The following NOL4 variants were observed in gnomAD, a reference collection of about 807,000 sequenced individuals.
NOL4 encodes the protein nucleolar protein 4, also known as cancer/testis antigen 125.
In NOL4, 17 loss-of-function variants were observed where a neutral mutation model predicts 75.9. The ratio of observed to expected loss-of-function variants is 0.22; its 90% CI spans 0.15 to 0.34. The LOEUF (loss-of-function observed/expected upper bound fraction) is 0.34, where lower values mean the gene tolerates loss of function less well. Among genes scored for constraint, NOL4 ranks in the 10% least tolerant of loss-of-function variants. NOL4 has a pLI of 1.00. For synonymous variants in NOL4, 292 were observed against 289.9 expected, an observed-to-expected ratio of 1.01 and a Z score of -0.07; for missense variants, 614 against 793.5, an observed-to-expected ratio of 0.77 and a Z score of 2.72.
chr18:34,214,453 A>T (rs2146588186), intron 1 of NOL4, among the ~76,000 whole-genome samples: 1 of 152,276 alleles, frequency 6.6e-6, no homozygotes, highest in East Asian at 1.9e-4. Flanking sequence ...AGGGCCTTAG[A>T]ATCCAAATGG....
At chr18:33,929,610 T>C (rs1404100896) in intron 9 of NOL4, among the ~76,000 whole-genome samples, 1 of 152,184 alleles carries the variant, frequency 6.6e-6, no homozygotes, top group Non-Finnish European at 1.5e-5. Flanking sequence ...AATATGATAC[T>C]ATAAAGTGCT....
At chr18:33,875,514 A>AT (rs958651670) in intron 10 of NOL4, among the ~76,000 whole-genome samples, 2 of 151,914 alleles carry the variant, frequency 1.3e-5, no homozygotes, top group Non-Finnish European at 2.9e-5. Flanking sequence ...ATCGGGCAAG[A>AT]TTTTCTATTG....
chr18:33,862,963 C>G (rs1248144706), intron 10 of NOL4, among the ~76,000 whole-genome samples: 1 of 152,174 alleles, frequency 6.6e-6, no homozygotes. Flanking sequence ...TATAAAGACA[C>G]ATGCACACGT....
Position 33,852,723 on chromosome 18 carries a change from T to C in NOL4, c.*119A>G, listed in dbSNP as rs2062675383. ...ACGGATCAAGGACAATGTGGCATAA[T>C]GGAAGTATTTCTCTTAAAAGACTGT... is the stretch of plus-strand genomic sequence containing the variant. On this transcript the variant is annotated 3_prime_UTR_variant, in exon 11 of 11. Transcript: ENST00000261592. 4.7e-6 allele frequency: 4 copies of C among 849,848 alleles called. No individual in the cohort carries two copies. The highest frequency in any genetic ancestry group is 1.7e-5 in the South Asian group (1 of 57,796). The allele number at this position is 849,848 out of a possible 1,614,324, so 52.6% of individuals were successfully genotyped here. A position where few individuals can be genotyped will look rare whatever the true frequency, so the allele number is the denominator to read the frequency against.
At chr18:33,996,522 C>T (rs909988397) in intron 6 of NOL4, among the ~76,000 whole-genome samples, 1 of 151,696 alleles carries the variant, frequency 6.6e-6, no homozygotes, top group African/African-American at 2.4e-5. Context: ...GAATCCATCA[C>T]CAAGGTAGTG....
intron 10 of NOL4, among the ~76,000 whole-genome samples, chr18:33,856,863 T>C (rs1288417713): frequency 6.6e-6 from 1 of 152,064 alleles, no homozygotes; most frequent in Non-Finnish European, 1.5e-5. Context: ...TAAATAAAGG[T>C]CTACTACTGA....
At chr18:34,084,613 C>A (rs2078163853) in intron 5 of NOL4, among the ~76,000 whole-genome samples, 1 of 151,942 alleles carries the variant, frequency 6.6e-6, no homozygotes, top group Non-Finnish European at 1.5e-5. Context: ...TGTTTTTTGT[C>A]CCCAAAGCAC....
chr18:34,214,470 G>T (rs1343066918), intron 1 of NOL4, among the ~76,000 whole-genome samples: 1 of 152,092 alleles, frequency 6.6e-6, no homozygotes, highest in East Asian at 1.9e-4. Flanking sequence ...ATGGTTTCTT[G>T]TCCCAAGCTG....
chr18:34,203,382 C>G (rs539172710), intron 1 of NOL4, among the ~76,000 whole-genome samples: 3 of 151,960 alleles, frequency 2.0e-5, no homozygotes, highest in African/African-American at 7.2e-5. Context: ...GGTGGATACA[C>G]AAACCCATAA....
At chr18:33,856,844 C>G (rs1298637289) in intron 10 of NOL4, among the ~76,000 whole-genome samples, 1 of 151,918 alleles carries the variant, frequency 6.6e-6, no homozygotes, top group South Asian at 2.1e-4. Flanking sequence ...ACAATTGAGT[C>G]TTTGTTTTTA....
intron 6 of NOL4, among the ~76,000 whole-genome samples, chr18:33,972,802 T>C (rs1017715445): frequency 2.6e-5 from 4 of 152,220 alleles, no homozygotes; most frequent in African/African-American, 9.6e-5. Context: ...GCACATATCT[T>C]AATTTAAAAA....
At chr18:34,131,969 CAA>C (rs2145917322) in intron 1 of NOL4, among the ~76,000 whole-genome samples, 1 of 152,232 alleles carries the variant, frequency 6.6e-6, no homozygotes, top group South Asian at 2.1e-4. Context: ...GAGTGGTTTT[CAA>C]AAAGAGTACT....
intron 5 of NOL4, among the ~76,000 whole-genome samples, chr18:34,035,980 AT>A (rs2075875704): frequency 6.6e-6 from 1 of 152,192 alleles, no homozygotes; most frequent in Non-Finnish European, 1.5e-5. Context: ...TGAATCAGTA[AT>A]GAAAATCTTC....
chr18:34,219,502 C>T (rs1030808691), intron 1 of NOL4, among the ~76,000 whole-genome samples: 1 of 152,178 alleles, frequency 6.6e-6, no homozygotes, highest in African/African-American at 2.4e-5. Flanking sequence ...GATGTTTCCA[C>T]TAATTGTTGC....
chr18:33,924,774 T>C (rs1211435248), intron 9 of NOL4, among the ~76,000 whole-genome samples: 2 of 152,214 alleles, frequency 1.3e-5, no homozygotes, highest in Non-Finnish European at 2.9e-5. Context: ...GTGCTGATAG[T>C]TGTTGCTACA....
intron 6 of NOL4, among the ~76,000 whole-genome samples, chr18:33,963,493 C>T (rs2070321646): frequency 6.6e-6 from 1 of 152,004 alleles, no homozygotes; most frequent in Non-Finnish European, 1.5e-5. Context: ...TGACTATAGC[C>T]TAGGAAACCT....
At chr18:34,037,298 T>C (rs912367926) in intron 5 of NOL4, among the ~76,000 whole-genome samples, 8 of 152,184 alleles carry the variant, frequency 5.3e-5, no homozygotes, top group African/African-American at 1.9e-4. Flanking sequence ...AGATATCCCA[T>C]GCTCATGAAA....
intron 9 of NOL4, among the ~76,000 whole-genome samples, chr18:33,883,775 CA>C (rs1395360283): frequency 6.6e-5 from 10 of 152,060 alleles, no homozygotes; most frequent in African/African-American, 2.4e-4. Context: ...GAATACTATA[CA>C]GCTTCAAAAT....
At chr18:34,015,290 A>G (rs958032007) in intron 6 of NOL4, among the ~76,000 whole-genome samples, 3 of 152,038 alleles carry the variant, frequency 2.0e-5, no homozygotes, top group African/African-American at 7.2e-5. Flanking sequence ...CTCAGCCTCT[A>G]TAACTGTCTT....
Sources: allele counts gnomAD v4.1 joint callset (sites outside exome capture counted in the v4.1 genomes callset), GRCh38; gene constraint gnomAD v4.1.1; transcripts MANE v1.5; gene names NCBI Gene and HGNC (gene_info 2026-07-23, HGNC 2026-07-21).